The following CNTNAP2 variants were observed in gnomAD, a reference collection of about 807,000 sequenced individuals.
CNTNAP2 encodes contactin-associated protein-like 2.
Under a neutral mutation model 155.2 loss-of-function variants are expected in CNTNAP2, and 98 were observed. That is an observed-to-expected ratio of 0.63 (90% CI 0.54 to 0.75). The LOEUF is 0.75. CNTNAP2 is among the 30% of genes least tolerant of loss of function. The probability of loss-of-function intolerance (pLI) is 0.00; values close to 1 mark genes in which losing one functional copy is unlikely to be tolerated. For missense variants in CNTNAP2, 1,727 were observed against 1,688.1 expected (o/e 1.02, Z -0.40); for synonymous variants, 651 against 631.2 (o/e 1.03, Z -0.47).
At chr7:148,333,947 A>C (rs1480595517) in intron 21 of CNTNAP2, among the ~76,000 whole-genome samples, 1 of 152,194 alleles carries the variant, frequency 6.6e-6, no homozygotes, top group African/African-American at 2.4e-5. Context: ...GGACATCCTG[A>C]TTTCTGCTCC....
chr7:147,966,517 T>C (rs2204926), intron 14 of CNTNAP2, among the ~76,000 whole-genome samples: 56,380 of 151,872 alleles, frequency 0.37, 12,284 homozygotes, highest in Middle Eastern at 0.63. Context: ...AGTCATGAAT[T>C]AGGTTTCCCC....
chr7:147,368,040 CCCCT>C (rs1278641454), intron 9 of CNTNAP2, among the ~76,000 whole-genome samples: 2 of 96,574 alleles, frequency 2.1e-5, no homozygotes, highest in East Asian at 6.5e-4. Context: ...CTCCTCTGTC[CCCCT>C]CCCTCCCTCC....
At chr7:148,075,022 C>T (rs1803458662) in intron 15 of CNTNAP2, among the ~76,000 whole-genome samples, 1 of 152,168 alleles carries the variant, frequency 6.6e-6, no homozygotes, top group Non-Finnish European at 1.5e-5. Context: ...CTATAGAATG[C>T]TGAGTTATGT....
intron 19 of CNTNAP2, among the ~76,000 whole-genome samples, chr7:148,226,744 A>G (rs1348606923): frequency 6.6e-6 from 1 of 152,244 alleles, no homozygotes; most frequent in Non-Finnish European, 1.5e-5. Flanking sequence ...GCCCGCCCCA[A>G]GGGAAGAATC....
intron 16 of CNTNAP2, among the ~76,000 whole-genome samples, chr7:148,119,007 A>G (rs75262521): frequency 0.017 from 2,526 of 152,268 alleles, 35 homozygotes; most frequent in Middle Eastern, 0.031. Flanking sequence ...TGCTTGCCCT[A>G]CCTGGACCCT....
rs144128771 is a variant in CNTNAP2 at position 146,757,901 on chromosome 7, C to A, written c.98-16370C>A. Among the ~76,000 whole-genome samples, 481 of 152,068 alleles carry A rather than the reference C, an allele frequency of 3.2e-3. 5 individuals are homozygous for A. Among genetic ancestry groups the A allele is most frequent in the African/African-American group, 0.011 (446 of 41,480 alleles). On this transcript the variant is annotated intron_variant, in intron 1 of 23. Coordinates refer to ENST00000361727, the MANE Select transcript of CNTNAP2 (RefSeq NM_014141.6). Reference sequence around the variant, plus strand: ...CAATACAGAATTCAGTGGATTGGGCCTTCTCCATTTCCTATTTACTTCTGA... The same window carrying A: ...CAATACAGAATTCAGTGGATTGGGCATTCTCCATTTCCTATTTACTTCTGA...
intron 11 of CNTNAP2, among the ~76,000 whole-genome samples, chr7:147,549,207 A>C (rs1027605863): frequency 1.3e-5 from 2 of 152,172 alleles, no homozygotes; most frequent in Admixed American, 6.5e-5. Flanking sequence ...GGCCATTTTC[A>C]TGATAATGAT....
intron 15 of CNTNAP2, among the ~76,000 whole-genome samples, chr7:148,096,366 T>C (rs1803971109): frequency 6.6e-6 from 1 of 151,980 alleles, no homozygotes; most frequent in African/African-American, 2.4e-5. Context: ...AGCTAATTAT[T>C]ATAAGTATAG....
At chr7:148,173,351 T>C (rs1794865941) in intron 18 of CNTNAP2, among the ~76,000 whole-genome samples, 1 of 152,200 alleles carries the variant, frequency 6.6e-6, no homozygotes, top group Non-Finnish European at 1.5e-5. Context: ...AATGAATGTA[T>C]AGCATATGGG....
chr7:147,176,792 TATATTATA>T, intron 8 of CNTNAP2, among the ~76,000 whole-genome samples: 1 of 124,394 alleles, frequency 8.0e-6, no homozygotes, highest in Admixed American at 9.6e-5. Flanking sequence ...ATTATAATTA[TATATTATA>T]ATATATAATA....
chr7:147,516,055 T>C (rs1190038205), intron 11 of CNTNAP2, among the ~76,000 whole-genome samples: 1 of 152,232 alleles, frequency 6.6e-6, no homozygotes, highest in East Asian at 1.9e-4. Context: ...TCTGACTCTA[T>C]TGCTGCTATT....
At chr7:146,924,276 T>C (rs1796562535) in intron 3 of CNTNAP2, among the ~76,000 whole-genome samples, 1 of 152,090 alleles carries the variant, frequency 6.6e-6, no homozygotes. Flanking sequence ...TTTAAGAAAG[T>C]TGATCCTGGT....
chr7:146,999,945 T>G (rs1798390720), intron 3 of CNTNAP2, among the ~76,000 whole-genome samples: 1 of 152,022 alleles, frequency 6.6e-6, no homozygotes, highest in East Asian at 1.9e-4. Context: ...CTCCTTCAAT[T>G]TTTAAAATAA....
chr7:148,007,642 G>C (rs1275914951), intron 15 of CNTNAP2, among the ~76,000 whole-genome samples: 1 of 152,144 alleles, frequency 6.6e-6, no homozygotes, highest in African/African-American at 2.4e-5. Context: ...GTGCTGTATG[G>C]TTTATTACAC....
chr7:146,940,852 GA>G (rs1797041568), intron 3 of CNTNAP2, among the ~76,000 whole-genome samples: 1 of 151,872 alleles, frequency 6.6e-6, no homozygotes, highest in African/African-American at 2.4e-5. Context: ...GAGAGAAAGA[GA>G]GAGAGAGAGA....
chr7:147,161,253 T>C (rs1802017914), intron 8 of CNTNAP2, among the ~76,000 whole-genome samples: 3 of 152,138 alleles, frequency 2.0e-5, no homozygotes, highest in African/African-American at 7.2e-5. Context: ...ACCAGTTGCA[T>C]AGCGCAACTC....
intron 3 of CNTNAP2, among the ~76,000 whole-genome samples, chr7:147,002,126 T>A (rs1181397323): frequency 1.3e-5 from 2 of 151,924 alleles, no homozygotes; most frequent in African/African-American, 4.8e-5. Context: ...ATGAAAATTA[T>A]ACAAAGAGAA....
rs1563185507 is a variant in CNTNAP2 at position 148,061,980 on chromosome 7, TA to T, written c.2384-56137del. ...ATAGATAGATAGATAGATAGATAGA[TA>T]GATAGATAGATAGATAGATAGATAG... On this transcript the variant is annotated intron_variant, in intron 15 of 23. Coordinates refer to ENST00000361727, the MANE Select transcript of CNTNAP2 (RefSeq NM_014141.6). 1.5e-4 allele frequency among the ~76,000 whole-genome samples: 19 copies of T among 128,140 alleles called. 1 individual carries two copies. The highest frequency in any genetic ancestry group is 1.6e-4 in the Admixed American group (2 of 12,198). 84.1% of individuals were successfully genotyped at this position (128,140 alleles called of 152,430 possible). A position where few individuals can be genotyped will look rare whatever the true frequency, so the allele number is the denominator to read the frequency against.
intron 13 of CNTNAP2, among the ~76,000 whole-genome samples, chr7:147,656,313 C>A (rs1197035712): frequency 2.0e-5 from 3 of 152,184 alleles, no homozygotes; most frequent in Non-Finnish European, 2.9e-5. Context: ...GCATTCACAA[C>A]TTTGCTAGCT....
Sources: allele counts gnomAD v4.1 joint callset (sites outside exome capture counted in the v4.1 genomes callset), GRCh38; gene constraint gnomAD v4.1.1; transcripts MANE v1.5; gene names NCBI Gene and HGNC (gene_info 2026-07-23, HGNC 2026-07-21).